Variants in ADCY2 observed in about 807,000 individuals in gnomAD.
The protein encoded by ADCY2 is adenylate cyclase type 2.
Under a neutral mutation model 125.2 loss-of-function variants are expected in ADCY2, and 31 were observed. The observed-to-expected ratio is 0.25, with a 90% CI of 0.19 to 0.33. ADCY2 has a LOEUF of 0.33. Ranked by LOEUF, ADCY2 falls within the 10% of genes least tolerant of loss-of-function variation. The probability of loss-of-function intolerance (pLI) is 1.00; values close to 1 mark genes in which losing one functional copy is unlikely to be tolerated. For missense variants in ADCY2, 904 were observed against 1,418.2 expected (o/e 0.64, Z 5.82); for synonymous variants, 512 against 548.4 (o/e 0.93, Z 0.93).
chr5:7,826,273 A>G (rs1745475612), intron 24 of ADCY2, among the ~76,000 whole-genome samples: 1 of 152,178 alleles, frequency 6.6e-6, no homozygotes, highest in South Asian at 2.1e-4. Context: ...ATGAAAGGAC[A>G]TTCATGACAA....
chr5:7,779,299 G>T (rs571705840), intron 18 of ADCY2, among the ~76,000 whole-genome samples: 1 of 152,190 alleles, frequency 6.6e-6, no homozygotes, highest in Non-Finnish European at 1.5e-5. Flanking sequence ...GAAGAAACTC[G>T]ATATTTAGGC....
At chr5:7,456,081 T>C (rs999410077) in intron 2 of ADCY2, among the ~76,000 whole-genome samples, 3 of 151,766 alleles carry the variant, frequency 2.0e-5, no homozygotes, top group Non-Finnish European at 4.4e-5. Flanking sequence ...AAAGTAGTCC[T>C]ATTATATAAA....
At chr5:7,569,109 G>C (rs1435436806) in intron 3 of ADCY2, among the ~76,000 whole-genome samples, 2 of 152,164 alleles carry the variant, frequency 1.3e-5, no homozygotes, top group African/African-American at 4.8e-5. Flanking sequence ...GCCTCATGGA[G>C]GGATAGAGAT....
intron 22 of ADCY2, among the ~76,000 whole-genome samples, chr5:7,810,045 A>G (rs1744883465): frequency 6.6e-6 from 1 of 152,190 alleles, no homozygotes; most frequent in African/African-American, 2.4e-5. Flanking sequence ...TTTTGCCCTC[A>G]AGACCTCACT....
intron 3 of ADCY2, among the ~76,000 whole-genome samples, chr5:7,610,773 T>TA (rs1737550145): frequency 6.6e-6 from 1 of 152,140 alleles, no homozygotes; most frequent in Non-Finnish European, 1.5e-5. Context: ...AGACAATTGA[T>TA]AGAGTGATGG....
rs770960774 is a variant in ADCY2, at chr5:7,414,612, A to G, written c.250A>G (p.Thr84Ala). Residue 84 changes from threonine (T) to alanine (A), a missense_variant, in exon 2 of 25, where the codon ACT becomes GCT. Coordinates refer to ENST00000338316, the MANE Select transcript of ADCY2 (RefSeq NM_020546.3). ...DHVAFLITVP[T>A]ALAIFFAIFI... is the part of the protein sequence containing the mutation. Reference sequence around the variant, plus strand: ...TGTGGCGTTTCTAATAACAGTTCCAACTGCCCTGGCGATTTTCTTTGCGAT... The same window carrying G: ...TGTGGCGTTTCTAATAACAGTTCCAGCTGCCCTGGCGATTTTCTTTGCGAT... The G allele has an allele frequency of 2.5e-6, 4 of 1,613,290 alleles. No individual in the cohort carries two copies. In the African/African-American group the frequency reaches 5.3e-5, roughly 22 times the overall value.
intron 3 of ADCY2, among the ~76,000 whole-genome samples, chr5:7,524,596 C>T (rs925454175): frequency 6.6e-6 from 1 of 152,164 alleles, no homozygotes; most frequent in Non-Finnish European, 1.5e-5. Context: ...GTTCTTTGGC[C>T]CTATGATCCT....
chr5:7,573,741 GTTTGTT>G (rs911665138), intron 3 of ADCY2, among the ~76,000 whole-genome samples: 19 of 150,908 alleles, frequency 1.3e-4, no homozygotes, highest in South Asian at 2.1e-4. Flanking sequence ...TCTTTTTTTT[GTTTGTT>G]TTTGTTTTTG....
intron 20 of ADCY2, among the ~76,000 whole-genome samples, chr5:7,792,805 G>A (rs143043893): frequency 6.4e-4 from 97 of 152,278 alleles, no homozygotes; most frequent in Non-Finnish European, 1.2e-3. Flanking sequence ...TTCCCTGTCC[G>A]AGCCTCGCCG....
chr5:7,397,046 T>C (rs1394956177), intron 1 of ADCY2, among the ~76,000 whole-genome samples: 1 of 152,260 alleles, frequency 6.6e-6, no homozygotes, highest in Non-Finnish European at 1.5e-5. Flanking sequence ...TCTTTGCCTT[T>C]AAATCTGTAT....
rs761052318 is a variant in ADCY2 at position 7,761,542 on chromosome 5, G to GT, written c.2094+3964dup. On this transcript the variant is annotated intron_variant, in intron 16 of 24. Transcript: ENST00000338316. ...TAGAATGAACTTTGAGGAGATCTTT[G>GT]TTTTTTTTCACATGCCCTAGGAAAG... Among the ~76,000 whole-genome samples, 187 of 151,782 alleles carry GT rather than the reference G, an allele frequency of 1.2e-3. 1 individual carries two copies. Among genetic ancestry groups the GT allele is most frequent in the African/African-American group, 4.1e-3 (169 of 41,386 alleles).
chr5:7,771,164 T>C (rs1743545441), intron 17 of ADCY2, among the ~76,000 whole-genome samples: 1 of 152,204 alleles, frequency 6.6e-6, no homozygotes, highest in Non-Finnish European at 1.5e-5. Flanking sequence ...TGAACTCTCA[T>C]AGAAATAAGG....
At chr5:7,697,127 C>T (rs1181696931) in intron 6 of ADCY2, among the ~76,000 whole-genome samples, 1 of 151,924 alleles carries the variant, frequency 6.6e-6, no homozygotes, top group Admixed American at 6.6e-5. Flanking sequence ...TAAGGGCCCA[C>T]CCAATTCCAG....
chr5:7,631,181 C>A (rs567852924), intron 4 of ADCY2, among the ~76,000 whole-genome samples: 1 of 152,294 alleles, frequency 6.6e-6, no homozygotes, highest in South Asian at 2.1e-4. Flanking sequence ...TGTAATTACA[C>A]TGGACTAACC....
At chr5:7,783,750 G>A (rs1288919813) in intron 18 of ADCY2, among the ~76,000 whole-genome samples, 3 of 152,162 alleles carry the variant, frequency 2.0e-5, no homozygotes, top group African/African-American at 7.2e-5. Context: ...GAGGATTGGG[G>A]GAGCCCACCC....
chr5:7,747,854 G>A (rs1270710906), intron 15 of ADCY2, among the ~76,000 whole-genome samples: 1 of 152,204 alleles, frequency 6.6e-6, no homozygotes, highest in Non-Finnish European at 1.5e-5. Flanking sequence ...AAAAACACAA[G>A]ATAAATATTT....
At chr5:7,665,151 C>T (rs1299437822) in intron 4 of ADCY2, among the ~76,000 whole-genome samples, 1 of 152,178 alleles carries the variant, frequency 6.6e-6, no homozygotes, top group Admixed American at 6.5e-5. Flanking sequence ...TGTCACAGGC[C>T]ATGGTCACTC....
chr5:7,593,044 T>A (rs1736899859), intron 3 of ADCY2, among the ~76,000 whole-genome samples: 1 of 152,188 alleles, frequency 6.6e-6, no homozygotes, highest in Non-Finnish European at 1.5e-5. Flanking sequence ...ACCTTGTATA[T>A]CTGAGAGATA....
chr5:7,798,935 A>T (rs1449847967), intron 20 of ADCY2: 2 of 152,148 alleles, frequency 1.3e-5, no homozygotes, highest in Non-Finnish European at 2.9e-5. Context: ...ACACACAGTG[A>T]CATGCAGGGC....
Sources: gnomAD v4.1 joint callset for allele counts (sites outside exome capture counted in the v4.1 genomes callset) on GRCh38, gnomAD v4.1.1 for gene constraint, MANE v1.5 for transcripts, NCBI Gene and HGNC (gene_info 2026-07-23, HGNC 2026-07-21) for gene names.